CBL: variants seen among roughly 807,000 people sequenced by gnomAD.
The protein encoded by CBL is E3 ubiquitin-protein ligase CBL.
CBL carries 45 observed loss-of-function variants against 96.9 expected under a neutral mutation model. The ratio of observed to expected loss-of-function variants is 0.46; its 90% confidence interval spans 0.37 to 0.60. CBL has a LOEUF of 0.60. Ranked by LOEUF, CBL falls within the 20% of genes least tolerant of loss-of-function variation. The pLI is 0.00. For synonymous variants in CBL, 420 were observed against 426.8 expected, an observed-to-expected ratio of 0.98 and a Z score of 0.20; for missense variants, 1,024 against 1,143.5, an observed-to-expected ratio of 0.90 and a Z score of 1.51.
chr11:119,274,710 G>A (rs957388537), intron 4 of CBL, 122 bp from the exon 5 acceptor site: 1 of 877,308 alleles, frequency 1.1e-6, no homozygotes, highest in African/African-American at 1.7e-5. Context: ...TCTGAGTGAT[G>A]GTATAATTAA....
In CBL at chr11:119,305,023, G is replaced by A. The variant is rs541515366; in HGVS notation, c.*5242G>A. On this transcript the variant is annotated 3_prime_UTR_variant, in exon 16 of 16. Coordinates refer to ENST00000264033, the MANE Select transcript of CBL (RefSeq NM_005188.4). ...CCTTGCCAGGGAGAGCAGAGATGTG[G>A]CAGGCTCCTTCAGCTGGAGACAGGG... The A allele has an allele frequency of 2.8e-5, 6 of 214,092 alleles. No homozygotes were observed. In the South Asian group the frequency reaches 9.3e-4, roughly 33 times the overall value. The allele number at this position is 214,092 out of a possible 1,614,324, so 13.3% of individuals were successfully genotyped here.
intron 2 of CBL, among the ~76,000 whole-genome samples, chr11:119,239,132 G>A (rs911441987): frequency 7.2e-5 from 11 of 151,918 alleles, no homozygotes; most frequent in Admixed American, 5.9e-4. Flanking sequence ...ATCATGCCTG[G>A]CTAATTTTTG....
chr11:119,264,441 C>CA, intron 2 of CBL, among the ~76,000 whole-genome samples: 1 of 84,468 alleles, frequency 1.2e-5, no homozygotes, highest in African/African-American at 4.1e-5. Flanking sequence ...CTCTTCTCTT[C>CA]TTTCTCTTCT....
intron 11 of CBL, among the ~76,000 whole-genome samples, 154 bp downstream of exon 11, chr11:119,285,720 A>T (rs892308825): frequency 1.3e-5 from 2 of 152,088 alleles, no homozygotes; most frequent in African/African-American, 4.8e-5. Context: ...ACGTAGTGAA[A>T]CCCTGTCTCT....
Position 119,303,888 on chromosome 11 carries a change from G to A in CBL, c.*4107G>A, listed in dbSNP as rs934839455. On this transcript the variant is annotated 3_prime_UTR_variant, in exon 16 of 16. Coordinates refer to ENST00000264033, the MANE Select transcript of CBL (RefSeq NM_005188.4). The stretch of plus-strand genomic sequence containing the variant: ...AATCCCCCTTGTTGGGAGGATTTTC[G>A]TATCACCCTTATGGGACCTGTCACC... 11 of 233,592 alleles carry A rather than the reference G, an allele frequency of 4.7e-5. No individual in the cohort carries two copies. The highest frequency in any genetic ancestry group is 6.8e-5 in the Non-Finnish European group (8 of 118,040). 14.5% of individuals were successfully genotyped at this position (233,592 alleles called of 1,614,324 possible).
intron 2 of CBL, among the ~76,000 whole-genome samples, chr11:119,235,329 G>T (rs1038123097): frequency 2.6e-4 from 39 of 152,072 alleles, no homozygotes; most frequent in East Asian, 1.9e-4. Flanking sequence ...TGGCTTGGCT[G>T]GTCTCAAACT....
At chr11:119,277,274 A>ACACAC (rs1565871898) in intron 6 of CBL, among the ~76,000 whole-genome samples, 18 of 101,266 alleles carry the variant, frequency 1.8e-4, no homozygotes, top group African/African-American at 8.0e-4. Context: ...CACACACATA[A>ACACAC]AGAATTTCTA....
At chr11:119,229,210 GACTT>G (rs1392793996) in intron 1 of CBL, among the ~76,000 whole-genome samples, 5 of 152,060 alleles carry the variant, frequency 3.3e-5, no homozygotes, top group Non-Finnish European at 7.4e-5. Flanking sequence ...ATAAATACCT[GACTT>G]ACTTTTGGAA....
At position 119,235,123 on chromosome 11, in the gene CBL, C is replaced by CT. The variant is rs373137915; in HGVS notation, c.443+2436dup. Among the ~76,000 whole-genome samples the CT allele has an allele frequency of 6.8e-4, 103 of 151,270 alleles. 1 individual carries two copies. Among genetic ancestry groups the CT allele is most frequent in the African/African-American group, 1.3e-3 (52 of 41,292 alleles). On this transcript the variant is annotated intron_variant, in intron 2 of 15. Coordinates refer to ENST00000264033, the MANE Select transcript of CBL (RefSeq NM_005188.4). Reference sequence around the variant, plus strand: ...AGCATTTCTTTTTTCTATTTTTTTTCTTTTTTTTGAGATGGAGTCTCACTC... The same window carrying CT: ...AGCATTTCTTTTTTCTATTTTTTTTCTTTTTTTTTGAGATGGAGTCTCACTC...
rs911329155 is a variant in CBL at position 119,278,232 on chromosome 11, G to A, written c.1162G>A (p.Asp388Asn). 2 of 1,612,604 alleles carry A rather than the reference G, an allele frequency of 1.2e-6. No homozygotes were observed. The highest frequency in any genetic ancestry group is 1.1e-5 in the South Asian group (1 of 91,050). ...ACTATGTAAAATATGTGCTGAAAAT[G>A]ATAAGGATGTAAAGATTGAGCCCTG... ...FQLCKICAEN[D>N]KDVKIEPCGH... The change falls in exon 8 of 16, where the codon GAT (aspartate) becomes AAT (asparagine). Residue 388 changes from aspartate (D) to asparagine (N), a missense_variant. Asp to Asn is a conservative substitution (Grantham distance 23). Transcript: ENST00000264033.
In CBL at chr11:119,270,436, ATTTTTTTT is replaced by A. The variant is rs869150071; in HGVS notation, c.444-1278_444-1271del. Among the ~76,000 whole-genome samples, 259 of 38,610 alleles carry A rather than the reference ATTTTTTTT, an allele frequency of 6.7e-3. 4 individuals carry two copies. In the South Asian group the frequency reaches 0.077, roughly 12 times the overall value. The allele number at this position is 38,610 out of a possible 152,430, so 25.3% of individuals were successfully genotyped here. A position where few individuals can be genotyped will look rare whatever the true frequency, so the allele number is the denominator to read the frequency against. On this transcript the variant is annotated intron_variant, in intron 2 of 15. Transcript: ENST00000264033. ...AATTTTTATATATATATATATATAT[ATTTTTTTT>A]TTTTTTTTTTTTTTTTTTTTGAGAC...
intron 12 of CBL, among the ~76,000 whole-genome samples, chr11:119,291,979 A>G (rs1950030384): frequency 6.6e-6 from 1 of 152,074 alleles, no homozygotes; most frequent in African/African-American, 2.4e-5. Flanking sequence ...ACCTCAGCCA[A>G]GTAGCTGGGA....
chr11:119,217,387 A>G (rs183044566), intron 1 of CBL, among the ~76,000 whole-genome samples: 2 of 152,336 alleles, frequency 1.3e-5, no homozygotes, highest in East Asian at 3.9e-4. Context: ...TGCTGGGATT[A>G]CAGGCGTGAG....
intron 2 of CBL, among the ~76,000 whole-genome samples, chr11:119,244,508 C>T (rs901276611): frequency 2.0e-5 from 3 of 151,708 alleles, no homozygotes; most frequent in African/African-American, 7.3e-5. Context: ...GCCTCAACCT[C>T]CAGGGCTCAT....
chr11:119,302,950 C>T lies in CBL; in HGVS notation c.*3169C>T. 2 of 229,354 alleles carry T rather than the reference C, an allele frequency of 8.7e-6. No individual in the cohort carries two copies. The highest frequency in any genetic ancestry group is 1.7e-5 in the Non-Finnish European group (2 of 115,658). 14.2% of individuals were successfully genotyped at this position (229,354 alleles called of 1,614,324 possible). A position where few individuals can be genotyped will look rare whatever the true frequency, so the allele number is the denominator to read the frequency against. ...TTATACAGACCCTCATTACTGGGGCCCAAGATGTGGGATACTACTGTTAGT... is the reference window on the plus strand; with the variant it reads ...TTATACAGACCCTCATTACTGGGGCTCAAGATGTGGGATACTACTGTTAGT... On this transcript the variant is annotated 3_prime_UTR_variant, in exon 16 of 16. Transcript: ENST00000264033.
intron 6 of CBL, among the ~76,000 whole-genome samples, chr11:119,277,248 C>CAT (rs1565871871): frequency 6.6e-6 from 1 of 150,838 alleles, no homozygotes; most frequent in Non-Finnish European, 1.5e-5. Flanking sequence ...CGCGCACACA[C>CAT]ACACACACAC....
At chr11:119,207,980 A>C (rs1284202579) in intron 1 of CBL, among the ~76,000 whole-genome samples, 1 of 152,238 alleles carries the variant, frequency 6.6e-6, no homozygotes, top group African/African-American at 2.4e-5. Flanking sequence ...AGTGCATGCC[A>C]GTGGTTTCAT....
intron 2 of CBL, among the ~76,000 whole-genome samples, chr11:119,237,826 T>G (rs1361215000): frequency 1.3e-5 from 2 of 152,202 alleles, no homozygotes; most frequent in Non-Finnish European, 2.9e-5. Flanking sequence ...TGTGAGTTCC[T>G]CAGCTTTGTT....
chr11:119,273,376 C>T (rs1202912577), intron 3 of CBL, among the ~76,000 whole-genome samples: 4 of 152,100 alleles, frequency 2.6e-5, no homozygotes, highest in Admixed American at 6.5e-5. Context: ...GAGACTACTA[C>T]CCTGGATGAC....
Sources: allele counts gnomAD v4.1 joint callset (sites outside exome capture counted in the v4.1 genomes callset), GRCh38; gene constraint gnomAD v4.1.1; transcripts MANE v1.5; gene names NCBI Gene and HGNC (gene_info 2026-07-23, HGNC 2026-07-21).